Variants in DOCK10 observed in about 807,000 individuals in gnomAD.
DOCK10 encodes the protein dedicator of cytokinesis protein 10.
DOCK10 carries 145 observed loss-of-function variants against 280.1 expected under a neutral mutation model. The observed-to-expected ratio is 0.52, with a 90% confidence interval of 0.45 to 0.59. DOCK10 has a LOEUF of 0.59. DOCK10 is among the 20% of genes least tolerant of loss of function. The pLI, the probability that DOCK10 is intolerant of heterozygous loss-of-function variation, is 0.00. For synonymous variants in DOCK10, 915 were observed against 942.2 expected, an observed-to-expected ratio of 0.97 and a Z score of 0.53; for missense variants, 2,368 against 2,651.7, an observed-to-expected ratio of 0.89 and a Z score of 2.35.
intron 1 of DOCK10, among the ~76,000 whole-genome samples, chr2:225,038,547 A>T (rs1229735492): frequency 6.6e-6 from 1 of 152,168 alleles, no homozygotes; most frequent in Non-Finnish European, 1.5e-5. Context: ...TCCCCTCTTT[A>T]CCCCTTACAC....
intron 1 of DOCK10, chr2:224,982,598 A>G (rs1244630228): frequency 2.4e-6 from 2 of 836,610 alleles, no homozygotes; most frequent in Non-Finnish European, 2.9e-6. Context: ...CACTGCGCTC[A>G]GAAAGTATTT....
At chr2:224,925,050 C>T (rs569413846) in intron 2 of DOCK10, among the ~76,000 whole-genome samples, 5 of 152,250 alleles carry the variant, frequency 3.3e-5, no homozygotes, top group African/African-American at 9.6e-5. Context: ...AAGACTATTA[C>T]TCAGTTTTCA....
At chr2:225,022,921 C>T (rs1447075887) in intron 1 of DOCK10, among the ~76,000 whole-genome samples, 2 of 152,062 alleles carry the variant, frequency 1.3e-5, no homozygotes, top group African/African-American at 4.8e-5. Context: ...GTAATGAAGC[C>T]CATAAATTTG....
At chr2:224,837,728 G>A (rs1695682224) in intron 25 of DOCK10, 34 bp downstream of exon 25, 2 of 1,569,714 alleles carry the variant, frequency 1.3e-6, no homozygotes, top group Admixed American at 1.7e-5. Flanking sequence ...ACAGCACAAG[G>A]GGATATGAGC....
intron 1 of DOCK10, among the ~76,000 whole-genome samples, chr2:225,020,532 G>A (rs1041668359): frequency 6.6e-6 from 1 of 152,154 alleles, no homozygotes; most frequent in African/African-American, 2.4e-5. Context: ...TTATTTGTGA[G>A]AACAAAAGTG....
chr2:224,906,825 T>C (rs1250345495), intron 3 of DOCK10, among the ~76,000 whole-genome samples: 1 of 152,196 alleles, frequency 6.6e-6, no homozygotes, highest in Non-Finnish European at 1.5e-5. Flanking sequence ...TGTCAGAGTG[T>C]GTCGTAGAAA....
intron 26 of DOCK10, among the ~76,000 whole-genome samples, chr2:224,833,425 T>A (rs1327424397): frequency 6.6e-6 from 1 of 151,848 alleles, no homozygotes; most frequent in East Asian, 1.9e-4. Flanking sequence ...TGCTGCCTGA[T>A]GACTTCACAC....
chr2:224,948,834 T>C (rs924457262), intron 1 of DOCK10, among the ~76,000 whole-genome samples: 1 of 152,238 alleles, frequency 6.6e-6, no homozygotes, highest in African/African-American at 2.4e-5. Context: ...CATACTGTCT[T>C]ATAACAAAGC....
At chr2:224,883,555 T>C (rs1463312218) in intron 7 of DOCK10, among the ~76,000 whole-genome samples, 1 of 152,220 alleles carries the variant, frequency 6.6e-6, no homozygotes, top group Non-Finnish European at 1.5e-5. Context: ...TTTCACATAT[T>C]AGCACATTGT....
At chr2:224,870,325 G>C (rs1242604146) in intron 11 of DOCK10, among the ~76,000 whole-genome samples, 1 of 152,162 alleles carries the variant, frequency 6.6e-6, no homozygotes, top group Non-Finnish European at 1.5e-5. Context: ...ACAGTCTTGG[G>C]TATGTCTTTC....
intron 55 of DOCK10, among the ~76,000 whole-genome samples, chr2:224,768,706 C>T (rs1690218194): frequency 6.6e-6 from 1 of 152,082 alleles, no homozygotes; most frequent in Admixed American, 6.5e-5. Context: ...AGGCTTTTCC[C>T]CCCATTGACC....
Position 224,805,137 on chromosome 2 carries a change from A to G in DOCK10, c.4052-13T>C, listed in dbSNP as rs1693303430. 1.2e-6 allele frequency: 2 copies of G among 1,609,242 alleles called. No homozygotes were observed. The highest frequency in any genetic ancestry group is 1.7e-6 in the Non-Finnish European group (2 of 1,178,310). On this transcript the variant is annotated splice_polypyrimidine_tract_variant and intron_variant, in intron 36 of 55. Transcript: ENST00000258390. This position sits in a 1 kb window ranked among gnomAD's most constrained non-coding sequence, Gnocchi z 4.3. ...GCAATCAGAGTCTCTAAAAGGAAACACCAGGTAGTATGAGAATCTGAAGGT... is the reference window on the plus strand; with the variant it reads ...GCAATCAGAGTCTCTAAAAGGAAACGCCAGGTAGTATGAGAATCTGAAGGT...
chr2:224,864,323 C>T (rs1159006614), intron 13 of DOCK10, among the ~76,000 whole-genome samples: 3 of 152,134 alleles, frequency 2.0e-5, no homozygotes. Context: ...GCCTGGTCAA[C>T]ATGGTGAAAC....
intron 1 of DOCK10, among the ~76,000 whole-genome samples, chr2:224,987,526 T>A (rs1384784881): frequency 6.6e-6 from 1 of 152,106 alleles, no homozygotes; most frequent in African/African-American, 2.4e-5. Flanking sequence ...AGCACCTCAG[T>A]GGAACCCCTC....
intron 18 of DOCK10, among the ~76,000 whole-genome samples, chr2:224,851,434 G>A (rs1696726285): frequency 6.8e-6 from 1 of 147,436 alleles, no homozygotes; most frequent in East Asian, 2.0e-4. Context: ...TGCTGACAGT[G>A]GCTCAAGACC....
intron 1 of DOCK10, among the ~76,000 whole-genome samples, chr2:224,987,398 GA>G (rs985468074): frequency 6.6e-6 from 1 of 152,214 alleles, no homozygotes; most frequent in Non-Finnish European, 1.5e-5. Context: ...CTGAATGTGA[GA>G]AAGTAACTGG....
Position 224,806,140 on chromosome 2 carries a change from A to G in DOCK10, c.3800T>C (p.Leu1267Ser), listed in dbSNP as rs201934900. Residue 1267 changes from leucine (L) to serine (S), a missense_variant, in exon 34 of 56, where the codon TTA becomes TCA. Transcript: ENST00000258390. Reference protein sequence around the residue: ...SVDTSFSKDVLNSIAAFSSIA... With the variant: ...SVDTSFSKDVSNSIAAFSSIA... ...ATCTCAAGTACCTGCTATGGAATTT[A>G]AAACATCTTTAGAAAATGATGTATC... 6.8e-5 allele frequency: 109 copies of G among 1,600,544 alleles called. No homozygotes were observed. Among genetic ancestry groups the G allele is most frequent in the Middle Eastern group, 1.7e-4 (1 of 6,028 alleles).
intron 1 of DOCK10, among the ~76,000 whole-genome samples, chr2:225,027,611 C>T (rs999143899): frequency 6.6e-6 from 1 of 152,036 alleles, no homozygotes; most frequent in African/African-American, 2.4e-5. Context: ...AGTGCCCCCT[C>T]CCTCTCTCTC....
chr2:224,999,009 A>C (rs1706351111), intron 1 of DOCK10, among the ~76,000 whole-genome samples: 3 of 152,148 alleles, frequency 2.0e-5, no homozygotes, highest in African/African-American at 7.2e-5. Flanking sequence ...CAATATGGTG[A>C]AACCTCGGCT....
Sources: gnomAD v4.1 joint callset for allele counts (sites outside exome capture counted in the v4.1 genomes callset) on GRCh38, gnomAD v4.1.1 for gene constraint, Gnocchi (gnomAD v3.1) non-coding constraint, MANE v1.5 for transcripts, NCBI Gene and HGNC (gene_info 2026-07-23, HGNC 2026-07-21) for gene names.